IRF8: variants seen among roughly 807,000 people sequenced by gnomAD.
IRF8 encodes interferon regulatory factor 8, also known as interferon consensus sequence binding protein 1.
A neutral mutation model predicts 48.7 loss-of-function variants in IRF8; 14 were observed. That is an observed-to-expected ratio of 0.29 (90% CI 0.19 to 0.45). The LOEUF is 0.45. IRF8 is among the 20% of genes least tolerant of loss of function. The probability of loss-of-function intolerance (pLI) is 1.00; values close to 1 mark genes in which losing one functional copy is unlikely to be tolerated. For synonymous variants in IRF8, 278 were observed against 227.3 expected (o/e 1.22, Z -2.01); for missense variants, 493 against 580.7 (o/e 0.85, Z 1.55).
chr16:85,914,402 G>A (rs1905234093), intron 5 of IRF8, 71 bp from the exon 6 acceptor site: 3 of 1,582,296 alleles, frequency 1.9e-6, no homozygotes, highest in Non-Finnish European at 2.6e-6. Flanking sequence ...TTTGGAGAAG[G>A]AGCGATTGGG....
At chr16:85,910,082 G>T (rs1392031890) in intron 3 of IRF8, among the ~76,000 whole-genome samples, 1 of 152,226 alleles carries the variant, frequency 6.6e-6, no homozygotes, top group Non-Finnish European at 1.5e-5. Context: ...TGTTGACTTA[G>T]AATTTTTTAA....
At chr16:85,901,835 C>T (rs990117958) in intron 1 of IRF8, among the ~76,000 whole-genome samples, 8 of 152,032 alleles carry the variant, frequency 5.3e-5, no homozygotes, top group African/African-American at 1.7e-4. Context: ...GTGGCTCTAC[C>T]ATATTTTGGG....
At position 85,921,993 on chromosome 16, in the gene IRF8, C is replaced by T. The variant is rs1905590327; in HGVS notation, c.*711C>T. ...CTAAATTTATTTTTTTCATTTCTGT[C>T]ATGAAATCATTCCAGATACCTCTTT... is the stretch of plus-strand genomic sequence containing the variant. On this transcript the variant is annotated 3_prime_UTR_variant, in exon 9 of 9. Transcript: ENST00000268638. 6.6e-6 allele frequency: 1 copy of T among 152,418 alleles called. No homozygotes were observed. The highest frequency in any genetic ancestry group is 1.5e-5 in the Non-Finnish European group (1 of 68,114). 9.4% of individuals were successfully genotyped at this position (152,418 alleles called of 1,614,324 possible). A position where few individuals can be genotyped will look rare whatever the true frequency, so the allele number is the denominator to read the frequency against.
chr16:85,904,285 G>C (rs1904921074), intron 2 of IRF8, among the ~76,000 whole-genome samples: 1 of 152,144 alleles, frequency 6.6e-6, no homozygotes, highest in African/African-American at 2.4e-5. Flanking sequence ...TGGGAGAGGG[G>C]TGAAAGGGGC....
chr16:85,899,391 T>G (rs1904748616), intron 1 of IRF8, among the ~76,000 whole-genome samples, 168 bp downstream of exon 1: 1 of 152,252 alleles, frequency 6.6e-6, no homozygotes, highest in Non-Finnish European at 1.5e-5. Flanking sequence ...TCCAGCCACC[T>G]AAGTCCAATC....
chr16:85,909,355 G>C, intron 3 of IRF8, 182 bp downstream of exon 3: 1 of 643,268 alleles, frequency 1.6e-6, no homozygotes, highest in Admixed American at 2.4e-5. Context: ...AGAGGGAAGG[G>C]CGGAGGAGAT....
chr16:85,900,524 C>T (rs568981703), intron 1 of IRF8, among the ~76,000 whole-genome samples: 2 of 152,324 alleles, frequency 1.3e-5, no homozygotes, highest in African/African-American at 2.4e-5. Flanking sequence ...CCACGAAGGA[C>T]ACACAGACGT....
Position 85,904,505 on chromosome 16 carries a change from C to T in IRF8, c.174+1316C>T, listed in dbSNP as rs577948780. On this transcript the variant is annotated intron_variant, in intron 2 of 8. Transcript: ENST00000268638. ...GCTTAAGATGCATTTTGGTCCTGCA[C>T]GTCTCTGCCTGACCGATGTTTGCAG... 9.2e-5 allele frequency among the ~76,000 whole-genome samples: 14 copies of T among 152,322 alleles called. 1 individual carries two copies. In the South Asian group the frequency reaches 1.9e-3, roughly 20 times the overall value.
At chr16:85,909,725 G>A (rs1567472531) in intron 3 of IRF8, 1 of 164,320 alleles carries the variant, frequency 6.1e-6, no homozygotes, top group African/African-American at 2.4e-5. Flanking sequence ...ACAGATTAAA[G>A]CAGGACAGCA....
intron 8 of IRF8, among the ~76,000 whole-genome samples, 163 bp downstream of exon 8, chr16:85,920,387 C>T (rs919497526): frequency 7.2e-5 from 11 of 152,086 alleles, no homozygotes; most frequent in Non-Finnish European, 1.3e-4. Context: ...GCTGGGACTA[C>T]AGGCCCGTGC....
chr16:85,908,278 T>A (rs935894952), intron 2 of IRF8, among the ~76,000 whole-genome samples: 2 of 152,246 alleles, frequency 1.3e-5, no homozygotes, highest in African/African-American at 4.8e-5. Flanking sequence ...TCACCTGTCT[T>A]ATTTTTTTAA....
intron 2 of IRF8, among the ~76,000 whole-genome samples, chr16:85,907,049 G>T (rs935554559): frequency 6.6e-6 from 1 of 152,134 alleles, no homozygotes; most frequent in Non-Finnish European, 1.5e-5. Context: ...ATTAATGCCC[G>T]GTCAGTGATG....
intron 1 of IRF8, 28 bp from the exon 2 acceptor site, chr16:85,902,987 T>G: frequency 1.9e-6 from 3 of 1,613,486 alleles, no homozygotes; most frequent in Non-Finnish European, 2.5e-6. Flanking sequence ...ATCCGTAATA[T>G]CACAGCGTGT....
intron 5 of IRF8, chr16:85,914,146 G>A: frequency 2.5e-6 from 1 of 399,132 alleles, no homozygotes; most frequent in Non-Finnish European, 4.8e-6. Context: ...TGGGTGGTGG[G>A]TATGCAGTCC....
chr16:85,913,461 A>G (rs928184514), intron 5 of IRF8: 11 of 584,528 alleles, frequency 1.9e-5, no homozygotes, highest in Non-Finnish European at 3.1e-5. Flanking sequence ...AGGAGGGCAC[A>G]AGCTGCTTGT....
intron 1 of IRF8, among the ~76,000 whole-genome samples, chr16:85,899,434 G>A (rs752854033): frequency 6.6e-6 from 1 of 152,348 alleles, no homozygotes; most frequent in Admixed American, 6.5e-5. Flanking sequence ...TCGTTTGCCT[G>A]TTTCCAAAGA....
chr16:85,899,859 T>A (rs750124657), intron 1 of IRF8, among the ~76,000 whole-genome samples: 1 of 152,322 alleles, frequency 6.6e-6, no homozygotes, highest in African/African-American at 2.4e-5. Context: ...TCCCAATACA[T>A]AGGACAGACT....
chr16:85,904,920 A>G (rs1904950386), intron 2 of IRF8, among the ~76,000 whole-genome samples: 1 of 148,688 alleles, frequency 6.7e-6, no homozygotes, highest in East Asian at 2.0e-4. Flanking sequence ...GGAACTCTGC[A>G]TTATAGATAA....
chr16:85,910,131 C>A (rs1371421110), intron 3 of IRF8, among the ~76,000 whole-genome samples: 2 of 152,186 alleles, frequency 1.3e-5, no homozygotes, highest in African/African-American at 4.8e-5. Flanking sequence ...TATAGTGAAT[C>A]TGTGTCAGAG....
Sources: gnomAD v4.1 joint callset for allele counts (sites outside exome capture counted in the v4.1 genomes callset) on GRCh38, gnomAD v4.1.1 for gene constraint, MANE v1.5 for transcripts, NCBI Gene and HGNC (gene_info 2026-07-23, HGNC 2026-07-21) for gene names.